Variants in KCNIP1 observed in about 807,000 individuals in gnomAD.
The protein encoded by KCNIP1 is A-type potassium channel modulatory protein KCNIP1.
A neutral mutation model predicts 33.0 loss-of-function variants in KCNIP1; 18 were observed. The observed-to-expected ratio is 0.55, with a 90% CI of 0.38 to 0.81. KCNIP1 has a LOEUF of 0.81. Among genes scored for constraint, KCNIP1 ranks in the 30% least tolerant of loss-of-function variants. The probability of loss-of-function intolerance (pLI) is 0.00; values close to 1 mark genes in which losing one functional copy is unlikely to be tolerated. For synonymous variants in KCNIP1, 93 were observed against 98.3 expected (o/e 0.95, Z 0.32); for missense variants, 238 against 271.6 (o/e 0.88, Z 0.87).
At chr5:170,687,005 G>T (rs999819963) in intron 1 of KCNIP1, among the ~76,000 whole-genome samples, 5 of 151,762 alleles carry the variant, frequency 3.3e-5, no homozygotes, top group Non-Finnish European at 4.4e-5. Flanking sequence ...TGTCCACTGG[G>T]GCTGATCCTC....
chr5:170,354,325 G>A (rs1045947945), intron 1 of KCNIP1, among the ~76,000 whole-genome samples: 2 of 152,204 alleles, frequency 1.3e-5, no homozygotes, highest in Non-Finnish European at 2.9e-5. Flanking sequence ...GTTGATAAAA[G>A]AGAGATTTGA....
At chr5:170,689,534 G>A (rs1762651264) in intron 1 of KCNIP1, among the ~76,000 whole-genome samples, 1 of 152,220 alleles carries the variant, frequency 6.6e-6, no homozygotes, top group South Asian at 2.1e-4. Context: ...GATTCATGCA[G>A]AAAGCTGTAC....
At chr5:170,637,631 C>T in intron 1 of KCNIP1, among the ~76,000 whole-genome samples, 1 of 152,176 alleles carries the variant, frequency 6.6e-6, no homozygotes, top group Non-Finnish European at 1.5e-5. Context: ...GCCTGGAGCA[C>T]TCTTCCTGCA....
chr5:170,544,212 A>C (rs2113389719), intron 1 of KCNIP1, among the ~76,000 whole-genome samples: 1 of 152,294 alleles, frequency 6.6e-6, no homozygotes, highest in African/African-American at 2.4e-5. Flanking sequence ...CAGGAGTTCT[A>C]GACCAGCCTA....
intron 1 of KCNIP1, among the ~76,000 whole-genome samples, chr5:170,690,342 C>A (rs1282818707): frequency 1.3e-5 from 2 of 152,216 alleles, no homozygotes; most frequent in Non-Finnish European, 2.9e-5. Flanking sequence ...TTCTCAAAAT[C>A]TCTCTATTCC....
intron 1 of KCNIP1, among the ~76,000 whole-genome samples, chr5:170,432,411 T>C (rs1755765135): frequency 6.6e-6 from 1 of 152,240 alleles, no homozygotes; most frequent in Non-Finnish European, 1.5e-5. Context: ...TTAATATTTA[T>C]TGAGCAAATC....
At chr5:170,545,856 T>C (rs1389011439) in intron 1 of KCNIP1, among the ~76,000 whole-genome samples, 1 of 152,254 alleles carries the variant, frequency 6.6e-6, no homozygotes, top group Non-Finnish European at 1.5e-5. Context: ...GTTAGCTTTC[T>C]TTTTCTCTTT....
chr5:170,625,489 G>A (rs1162495685), intron 1 of KCNIP1, among the ~76,000 whole-genome samples: 1 of 152,180 alleles, frequency 6.6e-6, no homozygotes, highest in Non-Finnish European at 1.5e-5. Flanking sequence ...GTGACCTGCG[G>A]GGGCGCCCCT....
At chr5:170,439,036 T>A (rs1438806995) in intron 1 of KCNIP1, among the ~76,000 whole-genome samples, 1 of 152,042 alleles carries the variant, frequency 6.6e-6, no homozygotes, top group Non-Finnish European at 1.5e-5. Flanking sequence ...TCCCTCTCTA[T>A]CAACTTAGAT....
In KCNIP1 at chr5:170,709,872, T is replaced by C. The variant is rs533074802; in HGVS notation, c.62-8886T>C. Among the ~76,000 whole-genome samples the C allele has an allele frequency of 2.0e-4, 30 of 152,286 alleles. No individual in the cohort carries two copies. The South Asian group carries it at 6.2e-3, about 32-fold the overall frequency. On this transcript the variant is annotated intron_variant, in intron 1 of 7. Transcript: ENST00000328939. ...AAGCTTATCTGTGATTCCATTCTTT[T>C]TTTTTCTTTTTTTGAGATGGAATCT... is the stretch of plus-strand genomic sequence containing the variant.
intron 1 of KCNIP1, among the ~76,000 whole-genome samples, chr5:170,355,425 C>G (rs892956109): frequency 6.6e-6 from 1 of 152,166 alleles, no homozygotes; most frequent in Non-Finnish European, 1.5e-5. Flanking sequence ...GATAGCAGGA[C>G]CTAAGAGGGT....
intron 1 of KCNIP1, among the ~76,000 whole-genome samples, chr5:170,415,483 T>C (rs1323844018): frequency 1.3e-5 from 2 of 152,068 alleles, no homozygotes; most frequent in African/African-American, 4.8e-5. Context: ...TAAAAATGTC[T>C]CAAGACACAC....
intron 1 of KCNIP1, among the ~76,000 whole-genome samples, chr5:170,623,483 A>AT (rs1168391098): frequency 1.3e-5 from 2 of 152,038 alleles, no homozygotes; most frequent in African/African-American, 4.8e-5. Context: ...AAGTGCTGGG[A>AT]TTACAGGCGT....
intron 1 of KCNIP1, among the ~76,000 whole-genome samples, chr5:170,663,550 G>T (rs1338856859): frequency 6.6e-6 from 1 of 152,086 alleles, no homozygotes; most frequent in Non-Finnish European, 1.5e-5. Context: ...AAAATGTTCT[G>T]GATTTCTCAT....
intron 1 of KCNIP1, among the ~76,000 whole-genome samples, chr5:170,402,017 G>A (rs1754917403): frequency 6.6e-6 from 1 of 152,162 alleles, no homozygotes; most frequent in South Asian, 2.1e-4. Context: ...GCCTTTTCCA[G>A]CTTCTGGTAG....
chr5:170,697,438 ACT>A (rs1329148892), intron 1 of KCNIP1, among the ~76,000 whole-genome samples: 2 of 151,970 alleles, frequency 1.3e-5, no homozygotes, highest in African/African-American at 4.8e-5. Flanking sequence ...TCCATGAATG[ACT>A]CTTTAAGAGA....
At chr5:170,410,172 G>A (rs1755144050) in intron 1 of KCNIP1, among the ~76,000 whole-genome samples, 1 of 152,202 alleles carries the variant, frequency 6.6e-6, no homozygotes, top group Non-Finnish European at 1.5e-5. Context: ...CCCCACTCAG[G>A]GGATCACAGA....
intron 1 of KCNIP1, among the ~76,000 whole-genome samples, chr5:170,678,209 T>A (rs573149301): frequency 1.7e-4 from 26 of 152,334 alleles, no homozygotes; most frequent in African/African-American, 6.0e-4. Context: ...CTTTCACAAA[T>A]GCCAAATCAC....
At chr5:170,572,519 G>A (rs546828122) in intron 1 of KCNIP1, among the ~76,000 whole-genome samples, 10 of 152,304 alleles carry the variant, frequency 6.6e-5, no homozygotes, top group African/African-American at 2.2e-4. Flanking sequence ...ACTAGGCAGC[G>A]CTTAAAAGAT....
Sources: allele counts gnomAD v4.1 joint callset (sites outside exome capture counted in the v4.1 genomes callset), GRCh38; gene constraint gnomAD v4.1.1; transcripts MANE v1.5; gene names NCBI Gene and HGNC (gene_info 2026-07-23, HGNC 2026-07-21).